The following FBN3 variants were observed in gnomAD, a reference collection of about 807,000 sequenced individuals.
FBN3 encodes fibrillin-3.
Under a neutral mutation model 330.1 loss-of-function variants are expected in FBN3, and 234 were observed. The ratio of observed to expected loss-of-function variants is 0.71; its 90% CI spans 0.64 to 0.79. The LOEUF (loss-of-function observed/expected upper bound fraction) is 0.79. Ranked by LOEUF, FBN3 falls within the 30% of genes least tolerant of loss-of-function variation. The pLI, the probability that FBN3 is intolerant of heterozygous loss-of-function variation, is 0.00. For missense variants in FBN3, 3,606 were observed against 3,886.9 expected (o/e 0.93, Z 1.92); for synonymous variants, 1,458 against 1,517.3 (o/e 0.96, Z 0.91).
intron 39 of FBN3, 104 bp downstream of exon 39, chr19:8,103,458 T>C: frequency 2.4e-6 from 3 of 1,226,608 alleles, no homozygotes; most frequent in South Asian, 1.4e-5. Context: ...ACTTCATATA[T>C]GCTTACCCTC....
chr19:8,126,627 C>A (rs1412353866), intron 19 of FBN3, 22 bp from the exon 20 acceptor site: 105 of 1,602,992 alleles, frequency 6.6e-5, no homozygotes, highest in Non-Finnish European at 8.2e-5. Flanking sequence ...AGGCGGGTCA[C>A]CTGTCTCACC....
At chr19:8,116,850 C>A (rs2082717217) in intron 28 of FBN3, 51 bp from the exon 29 acceptor site, 1 of 1,586,740 alleles carries the variant, frequency 6.3e-7, no homozygotes, top group Non-Finnish European at 8.6e-7. Flanking sequence ...GATAGACCAC[C>A]CAGTACACAT....
At chr19:8,139,869 T>C (rs2083372892) in intron 8 of FBN3, among the ~76,000 whole-genome samples, 1 of 151,918 alleles carries the variant, frequency 6.6e-6, no homozygotes, top group Non-Finnish European at 1.5e-5. Flanking sequence ...GGAGGGCCAC[T>C]GAGAGCCACC....
At chr19:8,142,345 C>T (rs190199045) in intron 6 of FBN3, among the ~76,000 whole-genome samples, 42 of 152,264 alleles carry the variant, frequency 2.8e-4, no homozygotes, top group African/African-American at 8.7e-4. Context: ...CAAAGCATTT[C>T]CTGACCAACT....
intron 30 of FBN3, 132 bp from the exon 31 acceptor site, chr19:8,112,231 G>T (rs777428660): frequency 2.3e-4 from 208 of 897,282 alleles, no homozygotes; most frequent in Non-Finnish European, 3.2e-4. Flanking sequence ...CCATTCACCT[G>T]GGGAGCTTCC....
chr19:8,140,549 C>A (rs1181607585), intron 8 of FBN3, among the ~76,000 whole-genome samples: 1 of 152,192 alleles, frequency 6.6e-6, no homozygotes, highest in Non-Finnish European at 1.5e-5. Context: ...ACCTGGTGTC[C>A]ATGAATGTGT....
At chr19:8,069,507 C>A (rs1388286364) in intron 63 of FBN3, among the ~76,000 whole-genome samples, 2 of 152,120 alleles carry the variant, frequency 1.3e-5, no homozygotes, top group Non-Finnish European at 2.9e-5. Flanking sequence ...AGATCTCAGG[C>A]CTTCTTCCCA....
In FBN3 at chr19:8,089,629, C is replaced by T. The variant is rs1599310571; in HGVS notation, c.6292G>A (p.Gly2098Ser). 9.3e-6 allele frequency: 15 copies of T among 1,614,216 alleles called. No individual in the cohort carries two copies. The highest frequency in any genetic ancestry group is 2.2e-5 in the East Asian group (1 of 44,892). Residue 2098 changes from glycine (G) to serine (S), a missense_variant, in exon 51 of 64, where the codon GGC becomes AGC. Physicochemically the swap from Gly to Ser is moderately conservative, Grantham distance 56 (BLOSUM62 0). Transcript: ENST00000600128. ...CAENPGVCTN[G>S]VCVNTDGSFR... ...GATCCATCGGTGTTGACACAGACGC[C>T]GTTAGTGCAGACGCCAGGGTTCTCT...
chr19:8,076,979 G>T (rs1054449056), intron 59 of FBN3, among the ~76,000 whole-genome samples: 1 of 152,148 alleles, frequency 6.6e-6, no homozygotes, highest in African/African-American at 2.4e-5. Context: ...GCCCAGGCTG[G>T]TCGCAAACTC....
At position 8,111,166 on chromosome 19, in the gene FBN3, C is replaced by G. The variant is rs150421324; in HGVS notation, c.4102G>C (p.Glu1368Gln). ...FFCEDRDECA[E>Q]NVDLCDNGQC... ...CCGTTGTCACAGAGGTCCACGTTCT[C>G]GGCACATTCATCCCTGTCTGAGGGG... Residue 1368 changes from glutamate to glutamine, a missense_variant, in exon 33 of 64, where the codon GAG becomes CAG. Glu to Gln is a conservative substitution (Grantham distance 29, BLOSUM62 2). Coordinates refer to ENST00000600128, the MANE Select transcript of FBN3 (RefSeq NM_032447.5). 1 of 1,606,086 alleles carries G rather than the reference C, an allele frequency of 6.2e-7. No homozygotes were observed. The highest frequency in any genetic ancestry group is 1.1e-5 in the South Asian group (1 of 89,584).
At chr19:8,089,317 A>G (rs151135770) in intron 51 of FBN3, among the ~76,000 whole-genome samples, 247 of 152,296 alleles carry the variant, frequency 1.6e-3, no homozygotes, top group African/African-American at 5.7e-3. Context: ...GAATAAGTGA[A>G]TGAGTAAATG....
chr19:8,140,987 T>C (rs983696283), intron 8 of FBN3, among the ~76,000 whole-genome samples: 1 of 150,918 alleles, frequency 6.6e-6, no homozygotes, highest in African/African-American at 2.4e-5. Flanking sequence ...GGTCAGGAGA[T>C]CGAGACCATC....
At chr19:8,112,229 C>T in intron 30 of FBN3, 130 bp from the exon 31 acceptor site, 1 of 919,392 alleles carries the variant, frequency 1.1e-6, no homozygotes, top group South Asian at 1.8e-5. Flanking sequence ...TCCCATTCAC[C>T]TGGGGAGCTT....
chr19:8,149,108 C>T lies in FBN3; in HGVS notation c.-18+341G>A, dbSNP rs1004378457. Among the ~76,000 whole-genome samples, 4 of 152,160 alleles carry T rather than the reference C, an allele frequency of 2.6e-5. No homozygotes were observed. The highest frequency in any genetic ancestry group is 7.2e-5 in the African/African-American group (3 of 41,454). ...GCTGAGGGCCAAACAGCGAGGGATACCAAGCTTCGCCGACGGGGAGGGGGC... is the reference window on the plus strand; with the variant it reads ...GCTGAGGGCCAAACAGCGAGGGATATCAAGCTTCGCCGACGGGGAGGGGGC... On this transcript the variant is annotated intron_variant, in intron 1 of 63. Coordinates refer to ENST00000600128, the MANE Select transcript of FBN3 (RefSeq NM_032447.5). The surrounding 1 kb of genome is among the most constrained non-coding windows in gnomAD (Gnocchi z 5.5).
chr19:8,131,333 A>G lies in FBN3; in HGVS notation c.1991-45T>C. ...GTGAGACGGGTCAGGGAGCTTAGCC[A>G]TGGCTCGGATTCAGCCACAGGCAAG... On this transcript the variant is annotated intron_variant, in intron 15 of 63. Coordinates refer to ENST00000600128, the MANE Select transcript of FBN3 (RefSeq NM_032447.5). The surrounding 1 kb of genome is among the most constrained non-coding windows in gnomAD (Gnocchi z 4.5). 6.3e-7 allele frequency: 1 copy of G among 1,599,642 alleles called. No homozygotes were observed. Among genetic ancestry groups the G allele is most frequent in the Non-Finnish European group, 8.5e-7 (1 of 1,171,098 alleles).
intron 25 of FBN3, among the ~76,000 whole-genome samples, chr19:8,120,275 T>C (rs2082814443): frequency 6.7e-6 from 1 of 150,042 alleles, no homozygotes; most frequent in Non-Finnish European, 1.5e-5. Context: ...GTTCAAGCAA[T>C]TCTCCTGCCT....
chr19:8,090,765 T>C (rs2082079747), intron 48 of FBN3, among the ~76,000 whole-genome samples: 1 of 151,948 alleles, frequency 6.6e-6, no homozygotes, highest in Admixed American at 6.6e-5. Context: ...ATTACAGTCA[T>C]GAGCCACCGC....
intron 39 of FBN3, 103 bp downstream of exon 39, chr19:8,103,459 G>T: frequency 1.6e-6 from 2 of 1,232,722 alleles, no homozygotes; most frequent in Non-Finnish European, 2.3e-6. Flanking sequence ...CTTCATATAT[G>T]CTTACCCTCC....
At chr19:8,141,008 C>T (rs916971648) in intron 8 of FBN3, among the ~76,000 whole-genome samples, 5 of 151,348 alleles carry the variant, frequency 3.3e-5, no homozygotes, top group East Asian at 1.9e-4. Flanking sequence ...CTGGCTAACA[C>T]GGTGAAACCC....
Sources: gnomAD v4.1 joint callset for allele counts (sites outside exome capture counted in the v4.1 genomes callset) on GRCh38, gnomAD v4.1.1 for gene constraint, Gnocchi (gnomAD v3.1) non-coding constraint, MANE v1.5 for transcripts, NCBI Gene and HGNC (gene_info 2026-07-23, HGNC 2026-07-21) for gene names.